L3MBTL4: variants seen among roughly 807,000 people sequenced by gnomAD.
The protein encoded by L3MBTL4 is lethal(3)malignant brain tumor-like protein 4.
A neutral mutation model predicts 84.5 loss-of-function variants in L3MBTL4; 70 were observed. The ratio of observed to expected loss-of-function variants is 0.83; its 90% CI spans 0.68 to 1.01. L3MBTL4 has a LOEUF of 1.01. L3MBTL4 is among the 50% of genes least tolerant of loss of function. L3MBTL4 has a pLI of 0.00. For missense variants in L3MBTL4, 715 were observed against 754.8 expected, an observed-to-expected ratio of 0.95 and a Z score of 0.62; for synonymous variants, 274 against 259.8, an observed-to-expected ratio of 1.05 and a Z score of -0.52.
At chr18:6,120,099 G>C (rs1436784421) in intron 14 of L3MBTL4, among the ~76,000 whole-genome samples, 1 of 152,184 alleles carries the variant, frequency 6.6e-6, no homozygotes, top group African/African-American at 2.4e-5. Context: ...GCCTGAAACA[G>C]CACAGATGTG....
intron 1 of L3MBTL4, among the ~76,000 whole-genome samples, chr18:6,319,288 T>C (rs1349526447): frequency 2.0e-5 from 3 of 151,416 alleles, no homozygotes; most frequent in East Asian, 3.9e-4. Flanking sequence ...CTAAGTGAAA[T>C]AGAAACAACA....
rs150788610 is a variant in L3MBTL4 at position 6,264,522 on chromosome 18, G to A, written c.128-484C>T. On this transcript the variant is annotated intron_variant, in intron 4 of 18. Transcript: ENST00000317931. ...TTCCTGGCCTGGCGTGGTGACTCAC[G>A]CCTGTAATCCCAGCACTTCGGGAGG... is the stretch of plus-strand genomic sequence containing the variant. Among the ~76,000 whole-genome samples the A allele has an allele frequency of 9.4e-4, 143 of 152,268 alleles. No homozygotes were observed. In the East Asian group the frequency reaches 0.024, roughly 25 times the overall value.
At chr18:6,005,867 C>T (rs2054456307) in intron 16 of L3MBTL4, among the ~76,000 whole-genome samples, 1 of 152,020 alleles carries the variant, frequency 6.6e-6, no homozygotes, top group Non-Finnish European at 1.5e-5. Flanking sequence ...AATGGGATTG[C>T]TGGGTTGAAA....
chr18:6,034,739 G>A (rs1213697555), intron 16 of L3MBTL4, among the ~76,000 whole-genome samples: 2 of 152,148 alleles, frequency 1.3e-5, no homozygotes, highest in Admixed American at 6.5e-5. Flanking sequence ...TTCCACAAGG[G>A]TTGAACTAGT....
At chr18:6,409,500 C>T (rs2055877750) in intron 1 of L3MBTL4, among the ~76,000 whole-genome samples, 2 of 152,098 alleles carry the variant, frequency 1.3e-5, no homozygotes, top group Admixed American at 1.3e-4. Flanking sequence ...GTCCATTCGG[C>T]ACATCCAATA....
chr18:6,214,473 T>C (rs1306485892), intron 11 of L3MBTL4, among the ~76,000 whole-genome samples: 2 of 152,226 alleles, frequency 1.3e-5, no homozygotes, highest in African/African-American at 2.4e-5. Context: ...ATAAAAGTGT[T>C]CAATTGGTTT....
intron 16 of L3MBTL4, among the ~76,000 whole-genome samples, chr18:5,975,715 G>A (rs910747251): frequency 1.2e-4 from 18 of 152,170 alleles, no homozygotes; most frequent in Admixed American, 9.8e-4. Flanking sequence ...AGCAGAACAA[G>A]AGAGGCTTCA....
intron 16 of L3MBTL4, among the ~76,000 whole-genome samples, chr18:5,987,564 G>A (rs78369379): frequency 1.3e-5 from 2 of 152,130 alleles, no homozygotes; most frequent in African/African-American, 2.4e-5. Flanking sequence ...CCTCACCTTG[G>A]CACTGGTTCC....
Position 6,222,494 on chromosome 18 carries a change from T to C in L3MBTL4, c.785-6659A>G, listed in dbSNP as rs370149530. Among the ~76,000 whole-genome samples, 10 of 152,352 alleles carry C rather than the reference T, an allele frequency of 6.6e-5. No homozygotes were observed. In the East Asian group the frequency reaches 1.3e-3, roughly 21 times the overall value. The stretch of plus-strand genomic sequence containing the variant: ...CCCAGCAGAACTGTCTTCAATACCA[T>C]GGCTCATGCGGGATCTAATCTAACC... On this transcript the variant is annotated intron_variant, in intron 10 of 18. Transcript: ENST00000317931.
intron 17 of L3MBTL4, among the ~76,000 whole-genome samples, chr18:5,965,050 T>C (rs2052276505): frequency 6.6e-6 from 1 of 152,144 alleles, no homozygotes. Context: ...GACACATACT[T>C]TACACCTCCA....
At chr18:6,207,181 T>G (rs908015465) in intron 12 of L3MBTL4, among the ~76,000 whole-genome samples, 1 of 152,250 alleles carries the variant, frequency 6.6e-6, no homozygotes, top group Admixed American at 6.5e-5. Flanking sequence ...ATATTGTCTC[T>G]GGCTGTTTTT....
intron 16 of L3MBTL4, among the ~76,000 whole-genome samples, chr18:5,996,451 A>G (rs1480598766): frequency 1.3e-5 from 2 of 152,166 alleles, no homozygotes; most frequent in Non-Finnish European, 2.9e-5. Flanking sequence ...TGTTTTCCAA[A>G]CAAGAGAAGG....
At chr18:6,364,760 A>G (rs2053857567) in intron 1 of L3MBTL4, among the ~76,000 whole-genome samples, 2 of 152,280 alleles carry the variant, frequency 1.3e-5, no homozygotes, top group African/African-American at 2.4e-5. Flanking sequence ...TCTATCATAT[A>G]TACTTTCTAC....
chr18:6,391,332 TTAAAAACAA>T (rs2144522895), intron 1 of L3MBTL4, among the ~76,000 whole-genome samples: 1 of 152,138 alleles, frequency 6.6e-6, no homozygotes, highest in Non-Finnish European at 1.5e-5. Context: ...AGAGATTTAC[TTAAAAACAA>T]TAAAAGCCAT....
chr18:6,385,018 A>G (rs1468187304), intron 1 of L3MBTL4, among the ~76,000 whole-genome samples: 1 of 152,204 alleles, frequency 6.6e-6, no homozygotes, highest in African/African-American at 2.4e-5. Flanking sequence ...AGAGAAGTAG[A>G]TGATACAGAA....
intron 14 of L3MBTL4, among the ~76,000 whole-genome samples, chr18:6,128,882 A>G (rs1236348219): frequency 6.6e-6 from 1 of 152,092 alleles, no homozygotes; most frequent in Non-Finnish European, 1.5e-5. Flanking sequence ...GCAGAGGGCT[A>G]TCTTTGAGGT....
intron 13 of L3MBTL4, among the ~76,000 whole-genome samples, chr18:6,163,557 C>A (rs1002562788): frequency 1.3e-5 from 2 of 151,950 alleles, no homozygotes; most frequent in African/African-American, 4.8e-5. Flanking sequence ...CATAACCAAC[C>A]AAAGACAGCC....
At chr18:6,228,034 A>G (rs1208470983) in intron 10 of L3MBTL4, among the ~76,000 whole-genome samples, 1 of 152,218 alleles carries the variant, frequency 6.6e-6, no homozygotes, top group Non-Finnish European at 1.5e-5. Flanking sequence ...CCGTAAAGCT[A>G]TATAAGCTTG....
At chr18:6,026,461 A>G (rs1461737331) in intron 16 of L3MBTL4, among the ~76,000 whole-genome samples, 1 of 152,224 alleles carries the variant, frequency 6.6e-6, no homozygotes, top group Non-Finnish European at 1.5e-5. Flanking sequence ...ACTTCCTGAG[A>G]AAGTGGTAGA....
Sources: gnomAD v4.1 joint callset for allele counts (sites outside exome capture counted in the v4.1 genomes callset) on GRCh38, gnomAD v4.1.1 for gene constraint, MANE v1.5 for transcripts, NCBI Gene and HGNC (gene_info 2026-07-23, HGNC 2026-07-21) for gene names.